The following ABLIM1 variants were observed in gnomAD, a reference collection of about 807,000 sequenced individuals.
The protein encoded by ABLIM1 is actin-binding LIM protein 1.
In ABLIM1, 40 loss-of-function variants were observed where a neutral mutation model predicts 107.0. The observed-to-expected ratio is 0.37, with a 90% CI of 0.29 to 0.49. ABLIM1 has a LOEUF of 0.49. ABLIM1 is among the 20% of genes least tolerant of loss of function. The pLI, the probability that ABLIM1 is intolerant of heterozygous loss-of-function variation, is 0.97. For missense variants in ABLIM1, 857 were observed against 1,008.5 expected, an observed-to-expected ratio of 0.85 and a Z score of 2.04; for synonymous variants, 357 against 357.3, an observed-to-expected ratio of 1.00 and a Z score of 0.01.
intron 4 of ABLIM1, among the ~76,000 whole-genome samples, chr10:114,563,165 C>T (rs905039121): frequency 7.9e-5 from 12 of 152,228 alleles, no homozygotes; most frequent in Admixed American, 2.6e-4. Context: ...GAGCGATATT[C>T]AGAAGAATGT....
At chr10:114,541,986 C>G (rs1241285638) in intron 6 of ABLIM1, among the ~76,000 whole-genome samples, 1 of 152,166 alleles carries the variant, frequency 6.6e-6, no homozygotes, top group African/African-American at 2.4e-5. Context: ...TTTGGGGGAA[C>G]ACAGCTCCAC....
At chr10:114,492,759 A>G (rs939735837) in intron 6 of ABLIM1, among the ~76,000 whole-genome samples, 1 of 152,228 alleles carries the variant, frequency 6.6e-6, no homozygotes, top group Non-Finnish European at 1.5e-5. Flanking sequence ...TTAACCATGT[A>G]CAAGGCAGTG....
intron 1 of ABLIM1, among the ~76,000 whole-genome samples, chr10:114,726,149 G>A (rs1029014470): frequency 6.7e-6 from 1 of 150,286 alleles, no homozygotes; most frequent in African/African-American, 2.5e-5. Context: ...TGTGTGACTT[G>A]TAAAAAGTTT....
intron 22 of ABLIM1, 152 bp downstream of exon 22, chr10:114,437,692 C>T (rs1057316754): frequency 7.8e-6 from 5 of 644,618 alleles, no homozygotes; most frequent in African/African-American, 5.5e-5. Context: ...TTTTTTTTCT[C>T]CAAAGTTATT....
At chr10:114,756,083 AGTGT>A (rs10624515) in intron 1 of ABLIM1, among the ~76,000 whole-genome samples, 77 of 150,620 alleles carry the variant, frequency 5.1e-4, no homozygotes, top group African/African-American at 7.5e-4. Flanking sequence ...TGTGTTTGTG[AGTGT>A]GTGTGTGTGT....
intron 1 of ABLIM1, among the ~76,000 whole-genome samples, chr10:114,740,646 T>C (rs2082267858): frequency 6.6e-6 from 1 of 152,152 alleles, no homozygotes; most frequent in African/African-American, 2.4e-5. Flanking sequence ...GTAACTTGGA[T>C]ACTATTAGAT....
upstream of ABLIM1, among the ~76,000 whole-genome samples, chr10:114,769,393 G>A (rs529873546): frequency 9.1e-6 from 1 of 109,452 alleles, no homozygotes; most frequent in South Asian, 3.0e-4. Context: ...AGACAAGAAA[G>A]AAAGAAAAGA....
At chr10:114,622,420 T>C (rs1282728383) in intron 1 of ABLIM1, among the ~76,000 whole-genome samples, 2 of 151,656 alleles carry the variant, frequency 1.3e-5, no homozygotes, top group Non-Finnish European at 2.9e-5. Flanking sequence ...GGCTAAATTT[T>C]TGTCGGGGGA....
At chr10:114,706,159 A>G (rs934489094) in intron 1 of ABLIM1, among the ~76,000 whole-genome samples, 10 of 152,234 alleles carry the variant, frequency 6.6e-5, no homozygotes, top group African/African-American at 2.4e-4. Flanking sequence ...AAAAACAGTA[A>G]GATATAATTA....
At chr10:114,509,164 G>A (rs965634401) in intron 6 of ABLIM1, among the ~76,000 whole-genome samples, 5 of 152,218 alleles carry the variant, frequency 3.3e-5, no homozygotes, top group African/African-American at 1.2e-4. Context: ...GAGCTACCCA[G>A]GCTATGACAA....
chr10:114,658,285 G>C (rs369360833), upstream of ABLIM1: 2 of 1,515,966 alleles, frequency 1.3e-6, no homozygotes, highest in African/African-American at 1.4e-5. Context: ...TGTTCCCCTG[G>C]CTCCTTACTG....
chr10:114,762,396 G>A (rs1467202091), intron 1 of ABLIM1, among the ~76,000 whole-genome samples: 1 of 152,042 alleles, frequency 6.6e-6, no homozygotes, highest in Non-Finnish European at 1.5e-5. Flanking sequence ...CTCCTTGAGG[G>A]TACATACTGA....
At chr10:114,544,058 C>T (rs531099794) in intron 6 of ABLIM1, among the ~76,000 whole-genome samples, 2 of 152,324 alleles carry the variant, frequency 1.3e-5, no homozygotes, top group East Asian at 3.9e-4. Context: ...CCAGAAACAC[C>T]ATGGTGGCGG....
chr10:114,455,096 A>C lies in ABLIM1; in HGVS notation c.1442-1613T>G, dbSNP rs1027010052. 2.0e-5 allele frequency among the ~76,000 whole-genome samples: 3 copies of C among 152,344 alleles called. No homozygotes were observed. In the East Asian group the frequency reaches 5.8e-4, roughly 29 times the overall value. On this transcript the variant is annotated intron_variant, in intron 12 of 22. Coordinates refer to ENST00000533213, the MANE Select transcript of ABLIM1 (RefSeq NM_002313.7). ...TATCCAGTCAAGTGTGAAAGATGTC[A>C]ATTGTTACCGTTTGAATATACATTT...
At chr10:114,758,466 C>T (rs1317204972) in intron 1 of ABLIM1, among the ~76,000 whole-genome samples, 1 of 152,194 alleles carries the variant, frequency 6.6e-6, no homozygotes, top group African/African-American at 2.4e-5. Context: ...ACCAGAACAA[C>T]AAGAACAAAA....
chr10:114,562,538 A>C (rs530437078), intron 4 of ABLIM1, among the ~76,000 whole-genome samples: 41 of 152,104 alleles, frequency 2.7e-4, no homozygotes, highest in African/African-American at 7.5e-4. Context: ...CAAAAACCAA[A>C]CAAACAAACA....
intron 12 of ABLIM1, among the ~76,000 whole-genome samples, chr10:114,463,672 T>C (rs1284451364): frequency 6.6e-6 from 1 of 152,142 alleles, no homozygotes; most frequent in African/African-American, 2.4e-5. Flanking sequence ...CAAAGAGGTC[T>C]ATATGATCCC....
rs919322547 is a variant in ABLIM1 at position 114,565,940 on chromosome 10, G to A, written c.673+5357C>T. The stretch of plus-strand genomic sequence containing the variant: ...CTCCTGAGTAGCTGGGACTATAGGC[G>A]CCCGCCACCATGCCTCGCTAATTTT... On this transcript the variant is annotated intron_variant, in intron 4 of 22. Coordinates refer to ENST00000533213, the MANE Select transcript of ABLIM1 (RefSeq NM_002313.7). 1.2e-4 allele frequency among the ~76,000 whole-genome samples: 18 copies of A among 151,710 alleles called. 1 individual carries two copies. The highest frequency in any genetic ancestry group is 3.9e-4 in the African/African-American group (16 of 41,360).
At chr10:114,714,833 A>G (rs893249403) in intron 1 of ABLIM1, among the ~76,000 whole-genome samples, 2 of 152,184 alleles carry the variant, frequency 1.3e-5, no homozygotes, top group South Asian at 2.1e-4. Context: ...GACCCTACAT[A>G]TATTCTTATA....
Sources: gnomAD v4.1 joint callset for allele counts (sites outside exome capture counted in the v4.1 genomes callset) on GRCh38, gnomAD v4.1.1 for gene constraint, MANE v1.5 for transcripts, NCBI Gene and HGNC (gene_info 2026-07-23, HGNC 2026-07-21) for gene names.